Variants in GTF2A1L observed in about 807,000 individuals in gnomAD.
GTF2A1L encodes the protein TFIIA-alpha and beta-like factor.
Under a neutral mutation model 49.7 loss-of-function variants are expected in GTF2A1L, and 48 were observed. That is an observed-to-expected ratio of 0.97 (90% CI 0.77 to 1.23). GTF2A1L has a LOEUF of 1.23. Ranked by LOEUF, GTF2A1L falls within the 50% of genes most tolerant of loss-of-function variation. The pLI is 0.00. For synonymous variants in GTF2A1L, 246 were observed against 193.5 expected (o/e 1.27, Z -2.25); for missense variants, 736 against 564.8 (o/e 1.30, Z -3.07).
intron 6 of GTF2A1L, among the ~76,000 whole-genome samples, chr2:48,664,762 A>ATTGCAAAATTTAC (rs1678719086): frequency 6.6e-6 from 1 of 152,094 alleles, no homozygotes; most frequent in African/African-American, 2.4e-5. Flanking sequence ...CATTTTACTT[A>ATTGCAAAATTTAC]AGTTGTAAAA....
rs1269059658 is a variant in GTF2A1L, at chr2:48,679,368, T to C, written c.1363T>C (p.Leu455=). The C allele has an allele frequency of 6.2e-7, 1 of 1,611,242 alleles. No individual in the cohort carries two copies. Among genetic ancestry groups the C allele is most frequent in the East Asian group, 2.2e-5 (1 of 44,782 alleles). The change falls in exon 9 of 9, where the codon TTG becomes CTG. Residue 455 remains leucine, a synonymous_variant. Transcript: ENST00000403751. ...AAGCAAGAACAAATGGAAATTCTAT[T>C]TGAAAGATGGTGTTATGTGTTTTGG... ...HRSKNKWKFY[L]KDGVMCFGGR... is the part of the protein sequence containing the mutation.
chr2:48,642,649 G>A (rs1677263397), intron 4 of GTF2A1L, among the ~76,000 whole-genome samples, 192 bp downstream of exon 4: 1 of 152,158 alleles, frequency 6.6e-6, no homozygotes, highest in Non-Finnish European at 1.5e-5. Flanking sequence ...GAGATCAGGA[G>A]TTTGAGACCA....
At chr2:48,667,529 T>A (rs953868991) in intron 6 of GTF2A1L, among the ~76,000 whole-genome samples, 10 of 152,224 alleles carry the variant, frequency 6.6e-5, no homozygotes, top group African/African-American at 2.4e-4. Flanking sequence ...TTTCTCTAAT[T>A]TATTCGTAAC....
At chr2:48,618,125 T>G in intron 1 of GTF2A1L, 1 of 530,344 alleles carries the variant, frequency 1.9e-6, no homozygotes, top group Non-Finnish European at 3.3e-6. Flanking sequence ...AGTGCCCTTT[T>G]TCTCTTTTTA....
At chr2:48,676,350 A>G (rs185466810) in intron 8 of GTF2A1L, among the ~76,000 whole-genome samples, 45 of 151,952 alleles carry the variant, frequency 3.0e-4, no homozygotes, top group Middle Eastern at 3.4e-3. Flanking sequence ...AGATATATCT[A>G]TTAAATCCCC....
chr2:48,636,389 C>G (rs1204973663), intron 3 of GTF2A1L, among the ~76,000 whole-genome samples: 1 of 152,042 alleles, frequency 6.6e-6, no homozygotes, highest in Non-Finnish European at 1.5e-5. Flanking sequence ...GACTTTCTTA[C>G]CTTAAGTGAA....
At chr2:48,653,747 A>T (rs1011237074) in intron 6 of GTF2A1L, among the ~76,000 whole-genome samples, 11 of 152,120 alleles carry the variant, frequency 7.2e-5, no homozygotes, top group Admixed American at 7.2e-4. Context: ...AGCCTGGCCA[A>T]CATGGCAAAA....
At position 48,624,071 on chromosome 2, in the gene GTF2A1L, G is replaced by C. The variant is rs771681728; in HGVS notation, c.247+2781G>C. Among the ~76,000 whole-genome samples the C allele has an allele frequency of 4.8e-4, 50 of 104,570 alleles. 8 individuals are homozygous for C. The highest frequency in any genetic ancestry group is 1.1e-3 in the Non-Finnish European group (46 of 41,518). 68.6% of individuals were successfully genotyped at this position (104,570 alleles called of 152,430 possible). ...TGAATCTAAACCCAGAAACTTGTTT[G>C]CTCTATCATATGTTCTTCGTTTTTT... On this transcript the variant is annotated intron_variant, in intron 3 of 8. Transcript: ENST00000403751.
At chr2:48,625,822 A>T (rs1400388531) in intron 3 of GTF2A1L, among the ~76,000 whole-genome samples, 1 of 143,382 alleles carries the variant, frequency 7.0e-6, no homozygotes, top group Non-Finnish European at 1.6e-5. Flanking sequence ...GAATGAAGCA[A>T]TCCTCCTGCC....
intron 6 of GTF2A1L, among the ~76,000 whole-genome samples, chr2:48,660,375 TA>T (rs1678423074): frequency 6.6e-6 from 1 of 152,144 alleles, no homozygotes; most frequent in Non-Finnish European, 1.5e-5. Flanking sequence ...ATGTTTGGTA[TA>T]ATTTTCTAGT....
chr2:48,617,861 C>G lies in GTF2A1L; in HGVS notation c.-14C>G, dbSNP rs199837598. Reference sequence around the variant, plus strand: ...CCGCGCAGGCGCAAAGGGCCAGGTGCTGGAGGTGCTGTCATGGCCTGCCTC... The same window carrying G: ...CCGCGCAGGCGCAAAGGGCCAGGTGGTGGAGGTGCTGTCATGGCCTGCCTC... On this transcript the variant is annotated 5_prime_UTR_variant, in exon 1 of 9. Coordinates refer to ENST00000403751, the MANE Select transcript of GTF2A1L (RefSeq NM_006872.5). 5.2e-6 allele frequency: 8 copies of G among 1,551,682 alleles called. No homozygotes were observed. In the Admixed American group the frequency reaches 7.8e-5, roughly 15 times the overall value.
chr2:48,618,084 A>G lies in GTF2A1L; in HGVS notation c.21+189A>G, dbSNP rs1428471742. The G allele has an allele frequency of 4.7e-5, 28 of 595,516 alleles. 1 individual carries two copies. The South Asian group carries it at 5.5e-4, about 12-fold the overall frequency. The allele number at this position is 595,516 out of a possible 1,614,324, so 36.9% of individuals were successfully genotyped here. A position where few individuals can be genotyped will look rare whatever the true frequency, so the allele number is the denominator to read the frequency against. On this transcript the variant is annotated intron_variant, in intron 1 of 8. Transcript: ENST00000403751. Reference sequence around the variant, plus strand: ...AGCTGCTGAGGGCCAGTAGTTCAGCAGGAAGTTGGGCCAGCCCCGCCAAAA... The same window carrying G: ...AGCTGCTGAGGGCCAGTAGTTCAGCGGGAAGTTGGGCCAGCCCCGCCAAAA...
In GTF2A1L at chr2:48,646,644, C is replaced by T; in HGVS notation, c.580C>T (p.Leu194=). ...TEKSQRIETV[L]QQPAILPSGP... ...AAAATCACAGAGAATTGAAACCGTG[C>T]TACAGCAACCCGCAATTCTACCTTC... The change falls in exon 6 of 9, where the codon CTA becomes TTA. Residue 194 remains leucine (L), a synonymous_variant. Transcript: ENST00000403751. 6.2e-7 allele frequency: 1 copy of T among 1,614,072 alleles called. No individual in the cohort carries two copies. The highest frequency in any genetic ancestry group is 8.5e-7 in the Non-Finnish European group (1 of 1,179,992).
At chr2:48,633,878 T>G (rs1294928203) in intron 3 of GTF2A1L, among the ~76,000 whole-genome samples, 2 of 114,578 alleles carry the variant, frequency 1.7e-5, no homozygotes, top group Non-Finnish European at 3.6e-5. Context: ...ATGCTTATCA[T>G]TATATAATGG....
At chr2:48,649,654 C>T (rs901957019) in intron 6 of GTF2A1L, among the ~76,000 whole-genome samples, 5 of 152,202 alleles carry the variant, frequency 3.3e-5, no homozygotes, top group Non-Finnish European at 7.3e-5. Flanking sequence ...GGTAAATGCT[C>T]AGTGCATGTT....
Position 48,670,006 on chromosome 2 carries a change from A to T in GTF2A1L, c.1239+24A>T, listed in dbSNP as rs773381230. On this transcript the variant is annotated intron_variant, in intron 7 of 8. Transcript: ENST00000403751. Reference sequence around the variant, plus strand: ...AGGTGAGGATGACTTTTGAGCTGAGACTTCCTTTATTAATTTATAACATTT... The same window carrying T: ...AGGTGAGGATGACTTTTGAGCTGAGTCTTCCTTTATTAATTTATAACATTT... 33 of 1,580,568 alleles carry T rather than the reference A, an allele frequency of 2.1e-5. No individual in the cohort carries two copies. In the South Asian group the frequency reaches 2.2e-4, roughly 11 times the overall value.
chr2:48,633,550 A>G (rs1427831260), intron 3 of GTF2A1L, among the ~76,000 whole-genome samples: 2 of 152,162 alleles, frequency 1.3e-5, no homozygotes, highest in African/African-American at 4.8e-5. Flanking sequence ...GATTTGCTTT[A>G]TGGCTGAGCA....
At chr2:48,656,233 T>G (rs1033771080) in intron 6 of GTF2A1L, among the ~76,000 whole-genome samples, 2 of 152,132 alleles carry the variant, frequency 1.3e-5, no homozygotes, top group East Asian at 1.9e-4. Flanking sequence ...CAATTCTACT[T>G]TTAATCTTAT....
At chr2:48,647,246 C>A in intron 6 of GTF2A1L, 1 of 480,800 alleles carries the variant, frequency 2.1e-6, no homozygotes, top group Non-Finnish European at 3.6e-6. Flanking sequence ...ACCAACTTAA[C>A]CATTTTTAAG....
Sources: allele counts gnomAD v4.1 joint callset (sites outside exome capture counted in the v4.1 genomes callset), GRCh38; gene constraint gnomAD v4.1.1; transcripts MANE v1.5; gene names NCBI Gene and HGNC (gene_info 2026-07-23, HGNC 2026-07-21).